DNAH7: variants seen among roughly 807,000 people sequenced by gnomAD.
DNAH7 encodes the protein dynein axonemal heavy chain 7.
DNAH7 carries 397 observed loss-of-function variants against 444.6 expected under a neutral mutation model. That is an observed-to-expected ratio of 0.89 (90% CI 0.82 to 0.97). The LOEUF (loss-of-function observed/expected upper bound fraction) is 0.97, where lower values mean the gene tolerates loss of function less well. Among genes scored for constraint, DNAH7 ranks in the 50% least tolerant of loss-of-function variants. The pLI, the probability that DNAH7 is intolerant of heterozygous loss-of-function variation, is 0.00. For missense variants in DNAH7, 4,902 were observed against 4,800.8 expected (o/e 1.02, Z -0.62); for synonymous variants, 1,636 against 1,624.4 (o/e 1.01, Z -0.17).
chr2:196,002,585 A>C (rs1694106774), intron 10 of DNAH7, among the ~76,000 whole-genome samples: 1 of 152,244 alleles, frequency 6.6e-6, no homozygotes. Flanking sequence ...AATAGTCAAT[A>C]TAATTTCAGG....
At chr2:195,805,232 T>G (rs1009812751) in intron 54 of DNAH7, among the ~76,000 whole-genome samples, 2 of 152,290 alleles carry the variant, frequency 1.3e-5, no homozygotes, top group African/African-American at 4.8e-5. Flanking sequence ...CACTTTTAAT[T>G]AAACTTAATA....
rs1192585479 is a variant in DNAH7 at position 195,922,112 on chromosome 2, G to A, written c.3911C>T (p.Thr1304Ile). 3 of 1,608,730 alleles carry A rather than the reference G, an allele frequency of 1.9e-6. No homozygotes were observed. The highest frequency in any genetic ancestry group is 2.6e-6 in the Non-Finnish European group (3 of 1,175,328). Residue 1304 changes from threonine to isoleucine, a missense_variant, in exon 24 of 65, where the codon ACA (threonine) becomes ATA (isoleucine). Physicochemically the swap from Thr to Ile is moderately conservative, Grantham distance 89. Coordinates refer to ENST00000312428, the MANE Select transcript of DNAH7 (RefSeq NM_018897.3). ...CCTGTAACATCTATCCGTGAGTGGT[G>A]TAATAACCAGCCTAGGGGAATTACC... ...YLGNSPRLVI[T>I]PLTDRCYRTL...
chr2:195,791,453 T>C (rs914058788), intron 57 of DNAH7, among the ~76,000 whole-genome samples: 5 of 151,742 alleles, frequency 3.3e-5, no homozygotes, highest in African/African-American at 1.2e-4. Context: ...TATACACTGT[T>C]GGTAGGAATG....
chr2:196,068,357 A>T (rs189530989), intron 1 of DNAH7: 57 of 374,464 alleles, frequency 1.5e-4, no homozygotes, highest in Admixed American at 3.7e-4. Context: ...CCCACCTTAG[A>T]ACCCAAACCC....
At chr2:196,011,014 G>A (rs1694698573) in intron 10 of DNAH7, among the ~76,000 whole-genome samples, 1 of 152,090 alleles carries the variant, frequency 6.6e-6, no homozygotes, top group Non-Finnish European at 1.5e-5. Flanking sequence ...GGCAGGTTTG[G>A]GATGGAGGAT....
At position 195,900,143 on chromosome 2, in the gene DNAH7, A is replaced by C. The variant is rs1280960309; in HGVS notation, c.4548+139T>G. 4 of 871,238 alleles carry C rather than the reference A, an allele frequency of 4.6e-6. No individual in the cohort carries two copies. In the African/African-American group the frequency reaches 6.8e-5, roughly 15 times the overall value. The allele number at this position is 871,238 out of a possible 1,614,324, so 54.0% of individuals were successfully genotyped here. ...ATAAAATTTTTTTCATGTGTACAAG[A>C]TAATACATTTTTGGTTTAATAATTG... On this transcript the variant is annotated intron_variant, in intron 28 of 64. Coordinates refer to ENST00000312428, the MANE Select transcript of DNAH7 (RefSeq NM_018897.3).
At chr2:195,926,692 G>T in intron 21 of DNAH7, 126 bp from the exon 22 acceptor site, 2 of 813,860 alleles carry the variant, frequency 2.5e-6, no homozygotes, top group Non-Finnish European at 3.5e-6. Flanking sequence ...ATTTATGCAA[G>T]ACTCACTTAA....
chr2:195,740,917 T>C (rs772154467), intron 63 of DNAH7, 48 bp from the exon 64 acceptor site: 3 of 1,169,276 alleles, frequency 2.6e-6, no homozygotes, highest in Non-Finnish European at 3.5e-6. Context: ...ATATGCATTT[T>C]GATTGAGTTC....
intron 28 of DNAH7, 123 bp downstream of exon 28, chr2:195,900,159 T>A: frequency 9.3e-7 from 1 of 1,072,898 alleles, no homozygotes; most frequent in Non-Finnish European, 1.4e-6. Flanking sequence ...CATTTTTGGT[T>A]TAATAATTGA....
intron 15 of DNAH7, among the ~76,000 whole-genome samples, chr2:195,974,295 G>A (rs1355803011): frequency 6.6e-6 from 1 of 152,112 alleles, no homozygotes; most frequent in Non-Finnish European, 1.5e-5. Flanking sequence ...ATATATTTTT[G>A]ATAATTTAGT....
chr2:195,744,245 G>T (rs567719810), intron 63 of DNAH7, among the ~76,000 whole-genome samples: 1 of 152,210 alleles, frequency 6.6e-6, no homozygotes, highest in African/African-American at 2.4e-5. Flanking sequence ...CTACGCCCAC[G>T]GAGTCTCGCT....
chr2:196,033,594 C>T (rs1024708953), intron 5 of DNAH7, among the ~76,000 whole-genome samples: 13 of 152,220 alleles, frequency 8.5e-5, no homozygotes, highest in Admixed American at 4.6e-4. Flanking sequence ...TAGTGTTCTT[C>T]GATTCCATCC....
At chr2:196,041,464 G>C (rs1255122545) in intron 5 of DNAH7, among the ~76,000 whole-genome samples, 7 of 152,054 alleles carry the variant, frequency 4.6e-5, no homozygotes, top group Non-Finnish European at 8.8e-5. Context: ...ATTGGGGAAA[G>C]GACAGCCTCT....
At chr2:195,840,946 T>C (rs1255354774) in intron 47 of DNAH7, among the ~76,000 whole-genome samples, 2 of 151,828 alleles carry the variant, frequency 1.3e-5, no homozygotes, top group Non-Finnish European at 3.0e-5. Context: ...GATTCTAAAA[T>C]TTATATGTAG....
chr2:195,963,955 T>C (rs1424804748), intron 17 of DNAH7, among the ~76,000 whole-genome samples: 1 of 152,198 alleles, frequency 6.6e-6, no homozygotes, highest in Non-Finnish European at 1.5e-5. Context: ...TCCATTCTGT[T>C]CCATTGGTCT....
chr2:195,957,170 T>C (rs1245825423), intron 19 of DNAH7, 91 bp downstream of exon 19: 10 of 1,116,250 alleles, frequency 9.0e-6, no homozygotes, highest in Non-Finnish European at 1.2e-5. Context: ...AATGGCTTAT[T>C]GGAAACAATA....
intron 52 of DNAH7, among the ~76,000 whole-genome samples, chr2:195,809,160 G>T (rs115604824): frequency 6.6e-6 from 1 of 152,114 alleles, no homozygotes; most frequent in African/African-American, 2.4e-5. Context: ...ATTCGAATAC[G>T]TGTTTTCCAA....
intron 40 of DNAH7, among the ~76,000 whole-genome samples, chr2:195,865,315 T>TA (rs1700265539): frequency 6.6e-6 from 1 of 152,138 alleles, no homozygotes; most frequent in Admixed American, 6.5e-5. Flanking sequence ...CTTGAGAAGT[T>TA]AGTGACTGCC....
At chr2:196,000,974 C>T in intron 11 of DNAH7, 91 bp from the exon 12 acceptor site, 1 of 1,008,900 alleles carries the variant, frequency 9.9e-7, no homozygotes, top group Non-Finnish European at 1.4e-6. Flanking sequence ...TACATGGGAA[C>T]CCACACTTTC....
Sources: gnomAD v4.1 joint callset for allele counts (sites outside exome capture counted in the v4.1 genomes callset) on GRCh38, gnomAD v4.1.1 for gene constraint, MANE v1.5 for transcripts, NCBI Gene and HGNC (gene_info 2026-07-23, HGNC 2026-07-21) for gene names.